Variants in CAPS2 observed in about 807,000 individuals in gnomAD.
CAPS2 encodes the protein calcyphosine 2.
Under a neutral mutation model 86.5 loss-of-function variants are expected in CAPS2, and 98 were observed. The ratio of observed to expected loss-of-function variants is 1.13; its 90% CI spans 0.96 to 1.34. The LOEUF is 1.34. CAPS2 is among the 40% of genes most tolerant of loss of function. CAPS2 has a pLI of 0.00. For synonymous variants in CAPS2, 210 were observed against 225.1 expected, an observed-to-expected ratio of 0.93 and a Z score of 0.60; for missense variants, 729 against 686.8, an observed-to-expected ratio of 1.06 and a Z score of -0.69.
chr12:75,363,906 A>T (rs1373636483), intron 1 of CAPS2, among the ~76,000 whole-genome samples: 2 of 152,198 alleles, frequency 1.3e-5, no homozygotes, highest in African/African-American at 4.8e-5. Context: ...AGGCAAGACA[A>T]CTGGAAGTAG....
upstream of CAPS2, chr12:75,333,848 T>C (rs1207305897): frequency 6.6e-6 from 1 of 152,064 alleles, no homozygotes; most frequent in Admixed American, 6.5e-5. Context: ...AAAAAATTAA[T>C]GTCATGGGGA....
upstream of CAPS2, among the ~76,000 whole-genome samples, chr12:75,330,409 C>T (rs934579095): frequency 1.2e-4 from 19 of 152,220 alleles, no homozygotes; most frequent in African/African-American, 4.1e-4. Context: ...GGCCAAAGCC[C>T]GGCCCGGATC....
upstream of CAPS2, among the ~76,000 whole-genome samples, chr12:75,331,725 G>A (rs1004818659): frequency 6.6e-6 from 1 of 151,644 alleles, no homozygotes; most frequent in Non-Finnish European, 1.5e-5. Context: ...CACTACGCCC[G>A]GCTAATTTTT....
upstream of CAPS2, among the ~76,000 whole-genome samples, chr12:75,333,205 C>T (rs1322502933): frequency 6.6e-6 from 1 of 151,748 alleles, no homozygotes; most frequent in Non-Finnish European, 1.5e-5. Flanking sequence ...TGCCTATAGA[C>T]ATCTGTATCT....
rs770077159 is a variant in CAPS2, at chr12:75,370,109, G to A, written c.-395+20729C>T. 4.4e-6 allele frequency: 7 copies of A among 1,606,602 alleles called. No homozygotes were observed. The Admixed American group carries it at 1.0e-4, about 23-fold the overall frequency. On this transcript the variant is annotated intron_variant, in intron 1 of 5. Transcript: ENST00000551829. The stretch of plus-strand genomic sequence containing the variant: ...GAAAATCCATTTCTGAAGCCAACGG[G>A]GAGAGCACCTCAGCAGACAGCCTTT...
chr12:75,326,779 T>G (rs1411810908), upstream of CAPS2, among the ~76,000 whole-genome samples: 1 of 152,148 alleles, frequency 6.6e-6, no homozygotes, highest in Admixed American at 6.5e-5. Flanking sequence ...CAAAAAGGAC[T>G]TCAGATGTGT....
chr12:75,343,894 T>C, intron 1 of CAPS2: 1 of 1,612,022 alleles, frequency 6.2e-7, no homozygotes, highest in Non-Finnish European at 8.5e-7. Flanking sequence ...ATTTTATGAT[T>C]TTGATAGTCT....
exon 17 of CAPS2, chr12:75,277,450 AGT>A: frequency 2.2e-6 from 2 of 927,090 alleles, no homozygotes; most frequent in African/African-American, 3.6e-5. Context: ...TGACAAAAAT[AGT>A]GTTATAGACT....
chr12:75,388,081 G>A (rs1384889782), intron 1 of CAPS2, among the ~76,000 whole-genome samples: 2 of 152,196 alleles, frequency 1.3e-5, no homozygotes, highest in African/African-American at 4.8e-5. Flanking sequence ...TCATGGGAGA[G>A]ACTAGGTGAG....
intron 5 of CAPS2, among the ~76,000 whole-genome samples, chr12:75,317,110 T>A (rs974213677): frequency 9.2e-5 from 14 of 152,182 alleles, no homozygotes; most frequent in South Asian, 2.1e-4. Context: ...TGACCTTTGA[T>A]TGCTATATAA....
intron 1 of CAPS2, among the ~76,000 whole-genome samples, chr12:75,390,130 C>A (rs970599978): frequency 2.6e-5 from 4 of 152,152 alleles, no homozygotes; most frequent in African/African-American, 9.7e-5. Flanking sequence ...ATGTAATATG[C>A]AAACGTGTAT....
intron 6 of CAPS2, among the ~76,000 whole-genome samples, chr12:75,313,884 A>G (rs2039480083): frequency 2.0e-5 from 3 of 152,206 alleles, no homozygotes; most frequent in African/African-American, 7.2e-5. Context: ...AGTTGGGCAC[A>G]ATTATTTAAA....
At chr12:75,284,272 G>A (rs939303840) in intron 15 of CAPS2, among the ~76,000 whole-genome samples, 3 of 151,898 alleles carry the variant, frequency 2.0e-5, no homozygotes, top group Non-Finnish European at 2.9e-5. Flanking sequence ...TCTCTATTTG[G>A]GATTTCTATA....
chr12:75,323,857 T>A (rs2040530320), intron 2 of CAPS2, among the ~76,000 whole-genome samples: 1 of 152,222 alleles, frequency 6.6e-6, no homozygotes, highest in Non-Finnish European at 1.5e-5. Flanking sequence ...GTTTATCCCG[T>A]CTCTATGGTA....
At chr12:75,384,598 G>A (rs889671784) in intron 1 of CAPS2, among the ~76,000 whole-genome samples, 1 of 152,144 alleles carries the variant, frequency 6.6e-6, no homozygotes, top group Non-Finnish European at 1.5e-5. Context: ...GATCGATTCT[G>A]TATAATGTCT....
chr12:75,293,149 A>T, intron 12 of CAPS2, 100 bp downstream of exon 12: 1 of 742,450 alleles, frequency 1.3e-6, no homozygotes, highest in Non-Finnish European at 2.2e-6. Context: ...TATAAACCTT[A>T]ATGAAGTTAT....
chr12:75,307,125 G>A (rs149923751), intron 7 of CAPS2, among the ~76,000 whole-genome samples: 96 of 152,286 alleles, frequency 6.3e-4, no homozygotes, highest in African/African-American at 2.2e-3. Context: ...TGCCTGCCGC[G>A]ATAATTAGCT....
In CAPS2 at chr12:75,316,877, C is replaced by T. The variant is rs1178296574; in HGVS notation, c.469-443G>A. ...ATAAAATACTAAAAGATGAGTGTAACCTTTGAGGTAAAAGATTCTTTGGGA... is the reference window on the plus strand; with the variant it reads ...ATAAAATACTAAAAGATGAGTGTAATCTTTGAGGTAAAAGATTCTTTGGGA... On this transcript the variant is annotated intron_variant, in intron 5 of 16. Transcript: ENST00000393284. Among the ~76,000 whole-genome samples, 4 of 151,960 alleles carry T rather than the reference C, an allele frequency of 2.6e-5. No individual in the cohort carries two copies. The East Asian group carries it at 7.7e-4, about 29-fold the overall frequency.
intron 13 of CAPS2, 112 bp from the exon 14 acceptor site, chr12:75,289,887 G>T: frequency 1.3e-6 from 1 of 750,406 alleles, no homozygotes; most frequent in Non-Finnish European, 2.2e-6. Context: ...TAAGGAATGT[G>T]AATATTCAAA....
Sources: allele counts gnomAD v4.1 joint callset (sites outside exome capture counted in the v4.1 genomes callset), GRCh38; gene constraint gnomAD v4.1.1; transcripts MANE v1.5; gene names NCBI Gene and HGNC (gene_info 2026-07-23, HGNC 2026-07-21).